The following CALM2 variants were observed in gnomAD, a reference collection of about 807,000 sequenced individuals.
CALM2 encodes the protein calmodulin 2, also known as calmodulin-2.
In CALM2, 2 loss-of-function variants were observed where a neutral mutation model predicts 19.8. The observed-to-expected ratio is 0.10, with a 90% CI of 0.04 to 0.32. CALM2 has a LOEUF of 0.32. CALM2 is among the 10% of genes least tolerant of loss of function. The pLI is 1.00. For missense variants in CALM2, 38 were observed against 178.7 expected, an observed-to-expected ratio of 0.21 and a Z score of 4.49; for synonymous variants, 51 against 52.1, an observed-to-expected ratio of 0.98 and a Z score of 0.09.
At chr2:47,164,595 CA>C (rs57421631) in intron 2 of CALM2, among the ~76,000 whole-genome samples, 33,786 of 131,764 alleles carry the variant, frequency 0.26, 5,894 homozygotes, top group African/African-American at 0.53. Context: ...AGACTTGTCT[CA>C]AAAAAAAAAA....
At chr2:47,161,495 G>A (rs868010239) in intron 5 of CALM2, among the ~76,000 whole-genome samples, 12 of 152,198 alleles carry the variant, frequency 7.9e-5, no homozygotes, top group Non-Finnish European at 1.3e-4. Flanking sequence ...GATTCCAGGT[G>A]TAGGGATAGA....
In CALM2 at chr2:47,169,514, C is replaced by CA. The variant is rs568225455; in HGVS notation, c.34+1219dup. Among the ~76,000 whole-genome samples, 47 of 147,500 alleles carry CA rather than the reference C, an allele frequency of 3.2e-4. No individual in the cohort carries two copies. The South Asian group carries it at 3.8e-3, about 12-fold the overall frequency. On this transcript the variant is annotated intron_variant, in intron 2 of 5. Transcript: ENST00000272298. ...ATACCTTTAAAACAGTGTAACTCAA[C>CA]AAAAAAAAAATTATTCCCAAAACTG...
At chr2:47,161,344 C>T (rs938944759) in intron 5 of CALM2, among the ~76,000 whole-genome samples, 7 of 152,150 alleles carry the variant, frequency 4.6e-5, no homozygotes, top group Middle Eastern at 3.4e-3. Context: ...CAATACAGTG[C>T]GGGGAAAGAA....
At chr2:47,168,260 G>T (rs1386460971) in intron 2 of CALM2, among the ~76,000 whole-genome samples, 4 of 152,114 alleles carry the variant, frequency 2.6e-5, no homozygotes, top group Admixed American at 6.5e-5. Context: ...TGGCTTTAAA[G>T]AAATCTGTGG....
chr2:47,173,822 G>GTA (rs1666756536), intron 1 of CALM2: 1 of 152,158 alleles, frequency 6.6e-6, no homozygotes, highest in Admixed American at 6.6e-5. Flanking sequence ...TGTTTTACCT[G>GTA]TATCAAAAGC....
chr2:47,167,218 C>T (rs1666503372), intron 2 of CALM2, among the ~76,000 whole-genome samples: 1 of 151,932 alleles, frequency 6.6e-6, no homozygotes, highest in East Asian at 1.9e-4. Flanking sequence ...CAAATTTGGA[C>T]CTTGAAAATT....
rs76919044 is a variant in CALM2 at position 47,165,474 on chromosome 2, A to G, written c.35-2812T>C. On this transcript the variant is annotated intron_variant, in intron 2 of 5. Coordinates refer to ENST00000272298, the MANE Select transcript of CALM2 (RefSeq NM_001743.6). The stretch of plus-strand genomic sequence containing the variant: ...ACTATGTCCAACAAATACATACTTA[A>G]TAAATGTCAAGATAAAGACTATCTC... 2.9e-3 allele frequency among the ~76,000 whole-genome samples: 439 copies of G among 152,338 alleles called. 3 individuals carry two copies. The highest frequency in any genetic ancestry group is 5.3e-3 in the Non-Finnish European group (361 of 68,024).
intron 2 of CALM2, among the ~76,000 whole-genome samples, chr2:47,169,113 C>G (rs781230656): frequency 5.3e-5 from 8 of 152,096 alleles, no homozygotes; most frequent in Admixed American, 3.3e-4. Context: ...AGAGAGCAGA[C>G]CATCAACTAT....
intron 2 of CALM2, among the ~76,000 whole-genome samples, chr2:47,169,327 G>A (rs61047560): frequency 0.43 from 65,602 of 151,800 alleles, 16,441 homozygotes; most frequent in East Asian, 0.7. Context: ...ACATTTTGAC[G>A]ATACATTTAC....
At chr2:47,165,533 ACT>A (rs1034512227) in intron 2 of CALM2, among the ~76,000 whole-genome samples, 1 of 151,242 alleles carries the variant, frequency 6.6e-6, no homozygotes, top group Non-Finnish European at 1.5e-5. Flanking sequence ...GCATGGAAAA[ACT>A]CTCAAAATTT....
At chr2:47,176,355 G>C (rs1439734403) in intron 1 of CALM2, 86 bp downstream of exon 1, 1 of 1,525,548 alleles carries the variant, frequency 6.6e-7, no homozygotes, top group African/African-American at 1.4e-5. Context: ...GAAGGTGTAA[G>C]GGAGGCGAGT....
chr2:47,163,962 G>T (rs1033812940), intron 2 of CALM2: 18 of 152,198 alleles, frequency 1.2e-4, no homozygotes, highest in Admixed American at 2.6e-4. Flanking sequence ...CTCAGGCCGG[G>T]CGCGGTGGCT....
At position 47,160,736 on chromosome 2, in the gene CALM2, A is replaced by T. The variant is rs775969371; in HGVS notation, c.*40T>A. 1 of 1,264,498 alleles carries T rather than the reference A, an allele frequency of 7.9e-7. No homozygotes were observed. The highest frequency in any genetic ancestry group is 1.5e-5 in the South Asian group (1 of 64,930). 78.3% of individuals were successfully genotyped at this position (1,264,498 alleles called of 1,614,324 possible). On this transcript the variant is annotated 3_prime_UTR_variant, in exon 6 of 6. Coordinates refer to ENST00000272298, the MANE Select transcript of CALM2 (RefSeq NM_001743.6). ...ACAAACAAAGAAAAGGCAAATAAAC[A>T]ATTTTGTACAAGAAATTTAACACAT...
At position 47,167,030 on chromosome 2, in the gene CALM2, T is replaced by G. The variant is rs532620705; in HGVS notation, c.34+3704A>C. ...TATTAAAATAACATGTTTTAAAAAT[T>G]TTATTAAAATAGGTTATCACAAGAC... On this transcript the variant is annotated intron_variant, in intron 2 of 5. Coordinates refer to ENST00000272298, the MANE Select transcript of CALM2 (RefSeq NM_001743.6). Among the ~76,000 whole-genome samples, 56 of 152,310 alleles carry G rather than the reference T, an allele frequency of 3.7e-4. No homozygotes were observed. In the South Asian group the frequency reaches 0.011, roughly 29 times the overall value.
rs772070537 is a variant in CALM2, at chr2:47,176,449, A to C, written c.-6T>G. ...CTCAGCGATGCACTCACCATGCTGCAAGCGCTACCGGTTTCCGAGACGCGA... is the reference window on the plus strand; with the variant it reads ...CTCAGCGATGCACTCACCATGCTGCCAGCGCTACCGGTTTCCGAGACGCGA... On this transcript the variant is annotated 5_prime_UTR_variant, in exon 1 of 6. Transcript: ENST00000272298. The C allele has an allele frequency of 7.4e-6, 12 of 1,613,464 alleles. No homozygotes were observed. Among genetic ancestry groups the C allele is most frequent in the East Asian group, 2.2e-5 (1 of 44,876 alleles).
At chr2:47,161,159 G>A (rs1024229414) in intron 5 of CALM2, among the ~76,000 whole-genome samples, 1 of 152,052 alleles carries the variant, frequency 6.6e-6, no homozygotes, top group Non-Finnish European at 1.5e-5. Context: ...TACATTTTAT[G>A]CTCTTTTCTA....
intron 2 of CALM2, among the ~76,000 whole-genome samples, chr2:47,165,266 C>G (rs983684120): frequency 1.3e-5 from 2 of 152,200 alleles, no homozygotes; most frequent in African/African-American, 4.8e-5. Flanking sequence ...TTTCCTAGCT[C>G]TGTTTCTTCT....
intron 1 of CALM2, chr2:47,171,260 A>AT (rs34280466): frequency 2.0e-5 from 3 of 152,520 alleles, no homozygotes; most frequent in African/African-American, 7.2e-5. Context: ...CTACAGTACT[A>AT]TAATATTTAC....
rs1687119401 is a variant in CALM2, at chr2:47,160,444, C to T, written c.*332G>A. On this transcript the variant is annotated 3_prime_UTR_variant, in exon 6 of 6. Transcript: ENST00000272298. Reference sequence around the variant, plus strand: ...AACTCCACACTTCAACAACAACATGCTGACAGTTCCTAAAGAAAACTACTT... The same window carrying T: ...AACTCCACACTTCAACAACAACATGTTGACAGTTCCTAAAGAAAACTACTT... The T allele has an allele frequency of 9.9e-6, 2 of 202,966 alleles. No individual in the cohort carries two copies. The highest frequency in any genetic ancestry group is 1.7e-4 in the South Asian group (1 of 5,814). 12.6% of individuals were successfully genotyped at this position (202,966 alleles called of 1,614,324 possible). A position where few individuals can be genotyped will look rare whatever the true frequency, so the allele number is the denominator to read the frequency against.
Sources: gnomAD v4.1 joint callset for allele counts (sites outside exome capture counted in the v4.1 genomes callset) on GRCh38, gnomAD v4.1.1 for gene constraint, MANE v1.5 for transcripts, NCBI Gene and HGNC (gene_info 2026-07-23, HGNC 2026-07-21) for gene names.